Variants in DUSP18 observed in about 807,000 individuals in gnomAD.
DUSP18 encodes the protein dual specificity protein phosphatase 18.
DUSP18 carries 4 observed loss-of-function variants against 6.3 expected under a neutral mutation model. That is an observed-to-expected ratio of 0.63 (90% confidence interval 0.31 to 1.45). The LOEUF (loss-of-function observed/expected upper bound fraction) is 1.45, where lower values mean the gene tolerates loss of function less well. DUSP18 is among the 40% of genes most tolerant of loss of function. The probability of loss-of-function intolerance (pLI) is 0.07; values close to 1 mark genes in which losing one functional copy is unlikely to be tolerated. For missense variants in DUSP18, 235 were observed against 247.7 expected (o/e 0.95, Z 0.34); for synonymous variants, 96 against 95.1 (o/e 1.01, Z -0.05).
intron 1 of DUSP18, among the ~76,000 whole-genome samples, chr22:30,666,650 A>G (rs2088682878): frequency 6.7e-6 from 1 of 149,156 alleles, no homozygotes; most frequent in African/African-American, 2.5e-5. Context: ...AAAAAAAGCA[A>G]TCTCTATCAG....
At chr22:30,658,862 C>T (rs536638684), downstream of DUSP18, among the ~76,000 whole-genome samples, 38 of 152,002 alleles carry the variant, frequency 2.5e-4, no homozygotes, top group African/African-American at 8.4e-4. Context: ...CTGAACTGAT[C>T]GGCTGGGCGC....
chr22:30,659,123 C>CAAAA (rs35939188), downstream of DUSP18, among the ~76,000 whole-genome samples: 1 of 104,714 alleles, frequency 9.5e-6, no homozygotes, highest in Non-Finnish European at 1.8e-5. Flanking sequence ...GACTCCATCT[C>CAAAA]AAAAAAAAAA....
intron 2 of DUSP18, chr22:30,654,622 C>A (rs760084126): frequency 2.4e-5 from 11 of 461,792 alleles, no homozygotes; most frequent in Non-Finnish European, 4.3e-5. Context: ...GTAGGTGCCT[C>A]GGGAAGGGTT....
At chr22:30,659,577 G>C (rs1202095060), downstream of DUSP18, among the ~76,000 whole-genome samples, 2 of 151,980 alleles carry the variant, frequency 1.3e-5, no homozygotes, top group East Asian at 3.9e-4. Context: ...TCAACATGTT[G>C]GCCAGGGTGG....
intron 1 of DUSP18, among the ~76,000 whole-genome samples, chr22:30,666,278 T>A (rs1325396482): frequency 6.6e-6 from 1 of 152,168 alleles, no homozygotes; most frequent in Admixed American, 6.5e-5. Context: ...GACAATGCTC[T>A]TGCAGGTGAG....
intron 2 of DUSP18, among the ~76,000 whole-genome samples, chr22:30,655,864 A>G (rs2088329384): frequency 1.3e-5 from 2 of 152,114 alleles, no homozygotes; most frequent in Non-Finnish European, 2.9e-5. Context: ...ACCTCTTAAC[A>G]TTCCTCCCAA....
chr22:30,662,031 T>TG lies in DUSP18; in HGVS notation c.*1405_*1406insC, dbSNP rs386395203. ...GTAGGGTCTGAAAGGACTTAAACCATTTTTTTTTTTTTTTTTTTTTACACA... is the reference window on the plus strand; with the variant it reads ...GTAGGGTCTGAAAGGACTTAAACCATGTTTTTTTTTTTTTTTTTTTTACACA... On this transcript the variant is annotated 3_prime_UTR_variant, in exon 2 of 2. Transcript: ENST00000334679. 7 of 7,936 alleles carry TG rather than the reference T, an allele frequency of 8.8e-4. No individual in the cohort carries two copies. The highest frequency in any genetic ancestry group is 1.2e-3 in the African/African-American group (7 of 5,672). The allele number at this position is 7,936 out of a possible 1,614,324, so 0.5% of individuals were successfully genotyped here. A position where few individuals can be genotyped will look rare whatever the true frequency, so the allele number is the denominator to read the frequency against.
intron 1 of DUSP18, chr22:30,665,229 G>A (rs373514503): frequency 1.1e-5 from 2 of 185,412 alleles, no homozygotes; most frequent in Admixed American, 1.2e-4. Context: ...CGAGAAATGA[G>A]GAGCCAAAGT....
intron 2 of DUSP18, chr22:30,654,049 G>C (rs1365349940): frequency 6.3e-6 from 1 of 159,724 alleles, no homozygotes; most frequent in African/African-American, 2.5e-5. Flanking sequence ...GCGCGATCTC[G>C]GCTCACTGCA....
chr22:30,663,395 G>A lies in DUSP18; in HGVS notation c.*42C>T, dbSNP rs58619343. On this transcript the variant is annotated 3_prime_UTR_variant, in exon 2 of 2. Coordinates refer to ENST00000334679, the MANE Select transcript of DUSP18 (RefSeq NM_152511.5). ...GGATCTTGGTGTAAGATCAACAATA[G>A]ATCTGTACCTCTGACTCCAATGCAG... 1 of 1,557,188 alleles carries A rather than the reference G, an allele frequency of 6.4e-7. No individual in the cohort carries two copies. Among genetic ancestry groups the A allele is most frequent in the African/African-American group, 1.4e-5 (1 of 73,942 alleles).
intron 1 of DUSP18, 62 bp from the exon 2 acceptor site, chr22:30,664,142 C>T: frequency 1.3e-6 from 1 of 746,192 alleles, no homozygotes; most frequent in Non-Finnish European, 2.2e-6. Flanking sequence ...CAGGGGATCC[C>T]TGGGAAATGG....
At chr22:30,665,721 C>A (rs1016287781) in intron 1 of DUSP18, among the ~76,000 whole-genome samples, 3 of 152,184 alleles carry the variant, frequency 2.0e-5, no homozygotes, top group African/African-American at 7.2e-5. Context: ...TCTGTCTCCC[C>A]AAGAGACTGT....
chr22:30,666,156 C>T (rs2088649935), intron 1 of DUSP18, among the ~76,000 whole-genome samples: 1 of 152,142 alleles, frequency 6.6e-6, no homozygotes, highest in Non-Finnish European at 1.5e-5. Context: ...GGATCCTCGT[C>T]ATCAGAAAAT....
downstream of DUSP18, among the ~76,000 whole-genome samples, chr22:30,657,902 T>C (rs2088374751): frequency 8.5e-6 from 1 of 118,056 alleles, no homozygotes; most frequent in Non-Finnish European, 1.7e-5. Context: ...AGACTCTGTC[T>C]CAAAAATAAT....
downstream of DUSP18, among the ~76,000 whole-genome samples, chr22:30,660,303 A>C (rs1490382475): frequency 1.0e-5 from 1 of 98,448 alleles, no homozygotes; most frequent in East Asian, 4.3e-4. Context: ...AGCAGCAGAG[A>C]GAAAAAAATT....
Position 30,663,740 on chromosome 22 carries a change from G to A in DUSP18, c.264C>T (p.Asp88=). The stretch of plus-strand genomic sequence containing the variant: ...GCTTCATCTCCACGCTGTGGATATG[G>A]TCAGCAATAGGGTCAAAGAAGTCAC... ...RLCDFFDPIA[D]HIHSVEMKQG... Residue 88 remains aspartate (D), a synonymous_variant, in exon 2 of 2, where the codon GAC becomes GAT. Transcript: ENST00000334679. The A allele has an allele frequency of 6.2e-7, 1 of 1,614,238 alleles. No homozygotes were observed. Among genetic ancestry groups the A allele is most frequent in the Non-Finnish European group, 8.5e-7 (1 of 1,180,048 alleles).
rs1442305688 is a variant in DUSP18 at position 30,663,571 on chromosome 22, TG to T, written c.432del (p.Asn144LysfsTer30). 6.2e-7 allele frequency: 1 copy of T among 1,614,212 alleles called. No homozygotes were observed. Among genetic ancestry groups the T allele is most frequent in the Non-Finnish European group, 8.5e-7 (1 of 1,180,034 alleles). ...TKSCRPIIRP[N>X]SGFWEQLIHY... is the part of the protein sequence containing the mutation. ...TGGATGAGCTGCTCCCAAAAGCCGCTGTTGGGTCGGATGATGGGCCGGCATG... is the reference window on the plus strand; with the variant it reads ...TGGATGAGCTGCTCCCAAAAGCCGCTTTGGGTCGGATGATGGGCCGGCATG... On this transcript the variant is annotated frameshift_variant, in exon 2 of 2. Coordinates refer to ENST00000334679, the MANE Select transcript of DUSP18 (RefSeq NM_152511.5). LOFTEE classifies it high-confidence loss of function.
chr22:30,654,129 G>A (rs573675514), intron 2 of DUSP18: 262 of 225,772 alleles, frequency 1.2e-3, no homozygotes, highest in Middle Eastern at 6.9e-3. Context: ...ACGGGCGCCC[G>A]CCACCACGCC....
At position 30,663,527 on chromosome 22, in the gene DUSP18, A is replaced by C. The variant is rs776598954; in HGVS notation, c.477T>G (p.Phe159Leu). 8 of 1,614,106 alleles carry C rather than the reference A, an allele frequency of 5.0e-6. No homozygotes were observed. The East Asian group carries it at 1.8e-4, about 36-fold the overall frequency. Residue 159 changes from phenylalanine to leucine, a missense_variant, in exon 2 of 2, where the codon TTT (phenylalanine) becomes TTG (leucine). Transcript: ENST00000334679. ...TGACCATGTGCACAGTGTTCTTGCC[A>C]AACAATTGGAACTCATAGTGGATGA... is the stretch of plus-strand genomic sequence containing the variant. ...EQLIHYEFQL[F>L]GKNTVHMVSS...
Sources: gnomAD v4.1 joint callset for allele counts (sites outside exome capture counted in the v4.1 genomes callset) on GRCh38, gnomAD v4.1.1 for gene constraint, MANE v1.5 for transcripts, NCBI Gene and HGNC (gene_info 2026-07-23, HGNC 2026-07-21) for gene names.